Variants in CAPN5 observed in about 807,000 individuals in gnomAD.
CAPN5 encodes the protein calpain-5.
Under a neutral mutation model 73.0 loss-of-function variants are expected in CAPN5, and 54 were observed. The observed-to-expected ratio is 0.74, with a 90% confidence interval of 0.59 to 0.93. The LOEUF (loss-of-function observed/expected upper bound fraction) is 0.93. CAPN5 is among the 40% of genes least tolerant of loss of function. CAPN5 has a pLI of 0.00. For synonymous variants in CAPN5, 335 were observed against 356.9 expected (o/e 0.94, Z 0.69); for missense variants, 785 against 882.9 (o/e 0.89, Z 1.41).
chr11:77,070,206 T>G (rs141719487), intron 1 of CAPN5, among the ~76,000 whole-genome samples: 9 of 152,266 alleles, frequency 5.9e-5, no homozygotes, highest in Admixed American at 2.0e-4. Context: ...CGGTGGCCTG[T>G]GGGTGTGTGC....
intron 12 of CAPN5, 119 bp downstream of exon 12, chr11:77,122,831 T>C: frequency 7.6e-7 from 1 of 1,311,216 alleles, no homozygotes; most frequent in South Asian, 1.3e-5. Context: ...GGGCTCTAGC[T>C]GTCTGTCTAT....
intron 3 of CAPN5, among the ~76,000 whole-genome samples, chr11:77,100,384 T>TC (rs1950272051): frequency 6.6e-6 from 1 of 151,118 alleles, no homozygotes; most frequent in East Asian, 2.0e-4. Flanking sequence ...CCATTCCTTT[T>TC]CCCCCCAGGC....
chr11:77,106,958 C>G (rs1950355733), intron 3 of CAPN5, among the ~76,000 whole-genome samples: 1 of 152,246 alleles, frequency 6.6e-6, no homozygotes, highest in African/African-American at 2.4e-5. Context: ...AGACCATTAG[C>G]CTTCACATGA....
Position 77,120,762 on chromosome 11 carries a change from C to T in CAPN5, c.1340C>T (p.Ala447Val), listed in dbSNP as rs781878850. ...ATGCACAGCCTGCAGCACAAGGCCG[C>T]CAGCTCCATCTACATCAACTCACGC... ...YRMHSLQHKA[A>V]SSIYINSRSV... The change falls in exon 10 of 13, where the codon GCC becomes GTC. Residue 447 changes from alanine (A) to valine (V), a missense_variant. By Grantham distance (64) the Ala-to-Val change is moderately conservative. Transcript: ENST00000648180. 1 of 1,613,938 alleles carries T rather than the reference C, an allele frequency of 6.2e-7. No homozygotes were observed.
intron 1 of CAPN5, among the ~76,000 whole-genome samples, chr11:77,081,132 C>A (rs1950023580): frequency 6.6e-6 from 1 of 152,214 alleles, no homozygotes; most frequent in African/African-American, 2.4e-5. Flanking sequence ...TGTCCAGAGT[C>A]TGCAGCCTCT....
Position 77,112,621 on chromosome 11 carries a change from C to T in CAPN5, c.330C>T (p.Asp110=). The change falls in exon 4 of 13, where the codon GAC becomes GAT. Residue 110 remains aspartate, a synonymous_variant. Coordinates refer to ENST00000648180, the MANE Select transcript of CAPN5 (RefSeq NM_004055.5). ...VIPDWKEQEW[D]PEKPNAYAGI... ...CAGACTGGAAGGAGCAGGAATGGGA[C>T]CCCGAAAAGCCCAACGCCTACGCGG... 6.2e-7 allele frequency: 1 copy of T among 1,614,120 alleles called. No homozygotes were observed. The highest frequency in any genetic ancestry group is 8.5e-7 in the Non-Finnish European group (1 of 1,180,014).
At chr11:77,081,620 C>G (rs950262634) in intron 1 of CAPN5, among the ~76,000 whole-genome samples, 3 of 152,190 alleles carry the variant, frequency 2.0e-5, no homozygotes, top group Non-Finnish European at 4.4e-5. Context: ...CACATTGTCT[C>G]TTCCAGACAA....
rs782792048 is a variant in CAPN5, at chr11:77,123,700, C to G, written c.1753C>G (p.Arg585Gly). The G allele has an allele frequency of 1.2e-6, 2 of 1,613,362 alleles. No individual in the cohort carries two copies. Among genetic ancestry groups the G allele is most frequent in the Admixed American group, 1.7e-5 (1 of 59,952 alleles). Residue 585 changes from arginine (R) to glycine (G), a missense_variant, in exon 13 of 13, where the codon CGA becomes GGA. By Grantham distance (125) the Arg-to-Gly change is moderately radical. Coordinates refer to ENST00000648180, the MANE Select transcript of CAPN5 (RefSeq NM_004055.5). ...TGTCTCTTCCCAGGTCTGGAACCAC[C>G]GAGTGCTGAAGGATGAATTTCTGGG... ...QPITVQVWNHRVLKDEFLGQV... is the reference protein window; with the variant it reads ...QPITVQVWNHGVLKDEFLGQV...
chr11:77,118,482 T>A, intron 8 of CAPN5, 130 bp downstream of exon 8: 1 of 745,804 alleles, frequency 1.3e-6, no homozygotes, highest in Non-Finnish European at 2.1e-6. Flanking sequence ...AACCTGTCTG[T>A]ACAGTGGGGG....
rs781796464 is a variant in CAPN5, at chr11:77,123,705, G to A, written c.1758G>A (p.Val586=). Residue 586 remains valine, a synonymous_variant, in exon 13 of 13, where the codon GTG becomes GTA. Coordinates refer to ENST00000648180, the MANE Select transcript of CAPN5 (RefSeq NM_004055.5). The stretch of plus-strand genomic sequence containing the variant: ...CTTCCCAGGTCTGGAACCACCGAGT[G>A]CTGAAGGATGAATTTCTGGGCCAGG... The part of the protein sequence containing the change: ...PITVQVWNHR[V]LKDEFLGQVH... The A allele has an allele frequency of 6.2e-7, 1 of 1,613,742 alleles. No individual in the cohort carries two copies. Among genetic ancestry groups the A allele is most frequent in the Non-Finnish European group, 8.5e-7 (1 of 1,179,872 alleles).
At chr11:77,114,624 G>A (rs1331932879) in intron 5 of CAPN5, among the ~76,000 whole-genome samples, 190 bp downstream of exon 5, 2 of 152,134 alleles carry the variant, frequency 1.3e-5, no homozygotes, top group Non-Finnish European at 2.9e-5. Context: ...AGCCTTTCCC[G>A]CACTGTTCAA....
chr11:77,093,018 C>T (rs1176870912), intron 2 of CAPN5, among the ~76,000 whole-genome samples: 2 of 152,196 alleles, frequency 1.3e-5, no homozygotes, highest in Admixed American at 1.3e-4. Context: ...AGTTTTTGCT[C>T]CACTTGAGCA....
At chr11:77,121,220 C>T (rs1450701328) in intron 10 of CAPN5, among the ~76,000 whole-genome samples, 3 of 152,210 alleles carry the variant, frequency 2.0e-5, no homozygotes, top group African/African-American at 2.4e-5. Context: ...ATTCAGGGGC[C>T]GAGGTTAGAA....
Position 77,124,473 on chromosome 11 carries a change from G to A in CAPN5, c.*603G>A, listed in dbSNP as rs1360320900. The A allele has an allele frequency of 6.5e-6, 1 of 153,264 alleles. No individual in the cohort carries two copies. The highest frequency in any genetic ancestry group is 1.5e-5 in the Non-Finnish European group (1 of 68,716). The allele number at this position is 153,264 out of a possible 1,614,324, so 9.5% of individuals were successfully genotyped here. ...AATAAACGACACCTTTGAGGCCCCAGGTGAAGCGGGGCCCTACTCCGGCCT... is the reference window on the plus strand; with the variant it reads ...AATAAACGACACCTTTGAGGCCCCAAGTGAAGCGGGGCCCTACTCCGGCCT... On this transcript the variant is annotated 3_prime_UTR_variant, in exon 13 of 13. Transcript: ENST00000648180.
chr11:77,098,200 G>A (rs1444936005), intron 3 of CAPN5, among the ~76,000 whole-genome samples: 1 of 72,090 alleles, frequency 1.4e-5, no homozygotes, highest in Admixed American at 1.1e-4. Context: ...CTCACCTCCC[G>A]GACGGGGCGG....
At chr11:77,103,220 G>A in intron 3 of CAPN5, 2 of 1,613,688 alleles carry the variant, frequency 1.2e-6, no homozygotes, top group Non-Finnish European at 8.5e-7. Flanking sequence ...AGTTTGGGGA[G>A]CGCCTGTCGG....
intron 2 of CAPN5, 96 bp downstream of exon 2, chr11:77,085,147 C>T (rs1950072327): frequency 9.3e-7 from 1 of 1,076,328 alleles, no homozygotes; most frequent in East Asian, 2.4e-5. Flanking sequence ...GAGGAGGCAT[C>T]CCTGGCCCCA....
intron 5 of CAPN5, 91 bp from the exon 6 acceptor site, chr11:77,115,304 C>A: frequency 3.0e-6 from 3 of 1,001,726 alleles, no homozygotes; most frequent in Non-Finnish European, 4.4e-6. Flanking sequence ...TCCTGTAGGT[C>A]CCGTGCAGCC....
intron 3 of CAPN5, among the ~76,000 whole-genome samples, chr11:77,106,994 G>T (rs565720318): frequency 2.9e-4 from 44 of 152,210 alleles, no homozygotes; most frequent in Non-Finnish European, 5.0e-4. Flanking sequence ...AGGCCCGGGG[G>T]AAGGGGGACT....
Sources: allele counts gnomAD v4.1 joint callset (sites outside exome capture counted in the v4.1 genomes callset), GRCh38; gene constraint gnomAD v4.1.1; transcripts MANE v1.5; gene names NCBI Gene and HGNC (gene_info 2026-07-23, HGNC 2026-07-21).